DPEP1: variants seen among roughly 807,000 people sequenced by gnomAD.
DPEP1 encodes beta-lactamase.
Under a neutral mutation model 42.3 loss-of-function variants are expected in DPEP1, and 50 were observed. The observed-to-expected ratio is 1.18, with a 90% CI of 0.94 to 1.50. The LOEUF is 1.50. DPEP1 is among the 40% of genes most tolerant of loss of function. The probability of loss-of-function intolerance (pLI) is 0.00; values close to 1 mark genes in which losing one functional copy is unlikely to be tolerated. For missense variants in DPEP1, 663 were observed against 553.0 expected (o/e 1.20, Z -1.99); for synonymous variants, 297 against 234.0 (o/e 1.27, Z -2.46).
downstream of DPEP1, among the ~76,000 whole-genome samples, chr16:89,639,589 C>A (rs1436106215): frequency 1.4e-5 from 2 of 138,196 alleles, no homozygotes; most frequent in Non-Finnish European, 3.2e-5. Flanking sequence ...CCTGCACGAG[C>A]AACCCCACCC....
chr16:89,636,968 A>C (rs899727435), intron 6 of DPEP1, 33 bp downstream of exon 6: 2 of 1,609,954 alleles, frequency 1.2e-6, no homozygotes, highest in Non-Finnish European at 1.7e-6. Flanking sequence ...GTCACCCCCG[A>C]GGAGAAGGCA....
intron 2 of DPEP1, among the ~76,000 whole-genome samples, chr16:89,631,217 C>T (rs908951): frequency 0.43 from 65,141 of 151,978 alleles, 14,329 homozygotes; most frequent in Middle Eastern, 0.66. Flanking sequence ...GCCTGTGCTG[C>T]GCTGTGTGCC....
Position 89,630,508 on chromosome 16 carries a change from T to A in DPEP1, c.98T>A (p.Ile33Asn). 1 of 1,586,536 alleles carries A rather than the reference T, an allele frequency of 6.3e-7. No homozygotes were observed. Among genetic ancestry groups the A allele is most frequent in the South Asian group, 1.1e-5 (1 of 89,906 alleles). Residue 33 changes from isoleucine (I) to asparagine (N), a missense_variant, in exon 2 of 11, where the codon ATT (isoleucine) becomes AAT (asparagine). Ile to Asn is a moderately radical substitution (Grantham distance 149). Transcript: ENST00000690203. ...AERIMRDSPVIDGHNDLPWQL... is the reference protein window; with the variant it reads ...AERIMRDSPVNDGHNDLPWQL... ...AGGATCATGAGGGACTCCCCTGTCA[T>A]TGATGGGTGAGTGCTCACCTGAGCC...
chr16:89,638,534 T>A, downstream of DPEP1: 2 of 1,162,642 alleles, frequency 1.7e-6, no homozygotes, highest in Non-Finnish European at 2.1e-6. Flanking sequence ...CTGGATCGAG[T>A]CTTCGGTCCA....
At chr16:89,632,101 G>A (rs1192217609) in intron 2 of DPEP1, among the ~76,000 whole-genome samples, 1 of 152,190 alleles carries the variant, frequency 6.6e-6, no homozygotes, top group African/African-American at 2.4e-5. Context: ...CCAGGCTGGA[G>A]TGCAGTGGCG....
chr16:89,638,908 C>G (rs1159455341), downstream of DPEP1, among the ~76,000 whole-genome samples: 3 of 81,660 alleles, frequency 3.7e-5, no homozygotes, highest in Non-Finnish European at 7.1e-5. Context: ...CCTGCACACA[C>G]ACACACACCG....
intron 1 of DPEP1, among the ~76,000 whole-genome samples, chr16:89,617,704 G>GAGGCCGGGCGCGGCGGCT (rs1567979093): frequency 1.3e-5 from 2 of 151,176 alleles, no homozygotes; most frequent in South Asian, 2.1e-4. Context: ...GGGAGGTTGG[G>GAGGCCGGGCGCGGCGGCT]CACGGTGGCT....
At chr16:89,625,195 C>T (rs1181889561) in intron 1 of DPEP1, among the ~76,000 whole-genome samples, 6 of 152,034 alleles carry the variant, frequency 3.9e-5, no homozygotes, top group Non-Finnish European at 8.8e-5. Flanking sequence ...AGGAAGTCAG[C>T]ACAAATTAGC....
intron 1 of DPEP1, among the ~76,000 whole-genome samples, chr16:89,623,923 C>CGCTCCGA (rs1487741314): frequency 1.3e-5 from 2 of 152,110 alleles, no homozygotes; most frequent in African/African-American, 4.8e-5. Flanking sequence ...GAAGTCGTGG[C>CGCTCCGA]GCTCCGAGGA....
intron 1 of DPEP1, among the ~76,000 whole-genome samples, chr16:89,617,392 T>G (rs1172334916): frequency 6.6e-6 from 1 of 152,142 alleles, no homozygotes; most frequent in African/African-American, 2.4e-5. Flanking sequence ...GGTGCCTGCA[T>G]GGAAGAATTG....
At chr16:89,620,537 A>G (rs1005263996) in intron 1 of DPEP1, 1 of 152,284 alleles carries the variant, frequency 6.6e-6, no homozygotes, top group Non-Finnish European at 1.5e-5. Context: ...GGGCATGCGT[A>G]TCTTCGGAAA....
chr16:89,614,763 C>G (rs1055094070), intron 1 of DPEP1, among the ~76,000 whole-genome samples: 6 of 152,144 alleles, frequency 3.9e-5, no homozygotes, highest in Non-Finnish European at 8.8e-5. Context: ...CCACTGCACT[C>G]CAGCCTGAGT....
In DPEP1 at chr16:89,637,670, G is replaced by A. The variant is rs1379339742; in HGVS notation, c.892G>A (p.Ala298Thr). ...DHIKEVAGAR[A>T]VGFGGDFDGV... ...CATCAAGGAGGTGGCAGGAGCCAGA[G>A]CCGTGGGTTTTGGTGGGGACTTTGA... is the stretch of plus-strand genomic sequence containing the variant. Residue 298 changes from alanine to threonine, a missense_variant, in exon 9 of 11, where the codon GCC (alanine) becomes ACC (threonine). Coordinates refer to ENST00000690203, the MANE Select transcript of DPEP1 (RefSeq NM_001389466.1). 2.5e-6 allele frequency: 4 copies of A among 1,612,966 alleles called. No individual in the cohort carries two copies. Among genetic ancestry groups the A allele is most frequent in the African/African-American group, 1.3e-5 (1 of 74,936 alleles).
chr16:89,640,463 G>A, downstream of DPEP1: 6 of 692,212 alleles, frequency 8.7e-6, no homozygotes, highest in Non-Finnish European at 1.1e-5. Flanking sequence ...TCGAGGAGCA[G>A]GGGGCTCCGG....
intron 1 of DPEP1, among the ~76,000 whole-genome samples, chr16:89,624,774 A>T (rs969921544): frequency 2.0e-5 from 3 of 151,954 alleles, no homozygotes; most frequent in Non-Finnish European, 2.9e-5. Flanking sequence ...GCCTCAGGTG[A>T]TACACCCGCC....
At chr16:89,627,757 T>G (rs1188470207) in intron 1 of DPEP1, among the ~76,000 whole-genome samples, 1 of 144,446 alleles carries the variant, frequency 6.9e-6, no homozygotes, top group South Asian at 2.3e-4. Context: ...GCCTCCCTGG[T>G]TCAAGTGATT....
At chr16:89,634,151 C>T (rs60566089) in intron 2 of DPEP1, among the ~76,000 whole-genome samples, 3,170 of 141,692 alleles carry the variant, frequency 0.022, 114 homozygotes, top group African/African-American at 0.076. Flanking sequence ...TGCAGTGGTG[C>T]GATCTCGGCT....
At chr16:89,625,605 G>T (rs1323856074) in intron 1 of DPEP1, among the ~76,000 whole-genome samples, 3 of 152,248 alleles carry the variant, frequency 2.0e-5, no homozygotes, top group African/African-American at 7.2e-5. Context: ...GGCTCTGGGG[G>T]CAGGGAGGGA....
At chr16:89,618,933 G>GC (rs1472020437) in intron 1 of DPEP1, among the ~76,000 whole-genome samples, 3 of 118,440 alleles carry the variant, frequency 2.5e-5, no homozygotes, top group East Asian at 3.7e-4. Flanking sequence ...CCTCCCTGCA[G>GC]CTCCCTGCCC....
Sources: gnomAD v4.1 joint callset for allele counts (sites outside exome capture counted in the v4.1 genomes callset) on GRCh38, gnomAD v4.1.1 for gene constraint, MANE v1.5 for transcripts, NCBI Gene and HGNC (gene_info 2026-07-23, HGNC 2026-07-21) for gene names.